XYLT1: variants seen among roughly 807,000 people sequenced by gnomAD.
The protein encoded by XYLT1 is xylosyltransferase 1, also known as beta-D-xylosyltransferase 1.
Under a neutral mutation model 91.3 loss-of-function variants are expected in XYLT1, and 36 were observed. The ratio of observed to expected loss-of-function variants is 0.39; its 90% CI spans 0.30 to 0.52. The LOEUF (loss-of-function observed/expected upper bound fraction) is 0.52, where lower values mean the gene tolerates loss of function less well. XYLT1 is among the 20% of genes least tolerant of loss of function. The pLI is 0.68. For missense variants in XYLT1, 1,242 were observed against 1,284.5 expected (o/e 0.97, Z 0.51); for synonymous variants, 588 against 532.0 (o/e 1.11, Z -1.45).
At chr16:17,143,312 C>A (rs374379655) in intron 6 of XYLT1, among the ~76,000 whole-genome samples, 4 of 152,228 alleles carry the variant, frequency 2.6e-5, no homozygotes, top group African/African-American at 9.6e-5. Flanking sequence ...ACCACTATCA[C>A]CATTTTCACG....
At chr16:17,203,331 T>G (rs2032577264) in intron 3 of XYLT1, among the ~76,000 whole-genome samples, 1 of 152,208 alleles carries the variant, frequency 6.6e-6, no homozygotes, top group Non-Finnish European at 1.5e-5. Flanking sequence ...AGGCTGTATC[T>G]TTTCATCCAT....
chr16:17,198,377 G>A lies in XYLT1; in HGVS notation c.1124C>T (p.Ser375Phe). 6.2e-7 allele frequency: 1 copy of A among 1,614,192 alleles called. No homozygotes were observed. The highest frequency in any genetic ancestry group is 1.7e-5 in the Admixed American group (1 of 60,028). The change falls in exon 5 of 12, where the codon TCC (serine) becomes TTC (phenylalanine). Residue 375 changes from serine to phenylalanine, a missense_variant. Ser to Phe is a radical substitution (Grantham distance 155, BLOSUM62 -2). This residue lies in a region of XYLT1 where 294 missense variants were observed against 376.0 expected (regional missense o/e 0.78). Coordinates refer to ENST00000261381, the MANE Select transcript of XYLT1 (RefSeq NM_022166.4). Reference protein sequence around the residue: ...NYLHRQVLQVSRQYSNVRVTP... With the variant: ...NYLHRQVLQVFRQYSNVRVTP... The stretch of plus-strand genomic sequence containing the variant: ...GACGCGGACATTGCTGTACTGCCTG[G>A]AGACCTGGAGCACTTGCCGATGCAG...
chr16:17,108,780 G>A lies in XYLT1; in HGVS notation c.2795C>T (p.Thr932Ile), dbSNP rs776626183. ...TGPTACPVMQ[T>I]CSQTAWSSFS... Reference sequence around the variant, plus strand: ...GGAGCTCCAGGCCGTCTGGCTGCAGGTCTGCATGACCGGGCAGGCTGTGGG... The same window carrying A: ...GGAGCTCCAGGCCGTCTGGCTGCAGATCTGCATGACCGGGCAGGCTGTGGG... Residue 932 changes from threonine to isoleucine, a missense_variant, in exon 12 of 12, where the codon ACC becomes ATC. This residue lies in a region of XYLT1 where 511 missense variants were observed against 497.0 expected (regional missense o/e 1.03). Coordinates refer to ENST00000261381, the MANE Select transcript of XYLT1 (RefSeq NM_022166.4). 1.4e-5 allele frequency: 22 copies of A among 1,610,606 alleles called. No individual in the cohort carries two copies. The highest frequency in any genetic ancestry group is 1.6e-5 in the Non-Finnish European group (19 of 1,179,810).
chr16:17,423,430 T>C (rs2036273652), intron 1 of XYLT1, among the ~76,000 whole-genome samples: 1 of 152,006 alleles, frequency 6.6e-6, no homozygotes, highest in South Asian at 2.1e-4. Context: ...TGTTTTTTCC[T>C]CAAGGGCACT....
intron 4 of XYLT1, 41 bp downstream of exon 4, chr16:17,200,441 C>T (rs779967644): frequency 5.6e-6 from 9 of 1,592,996 alleles, no homozygotes; most frequent in African/African-American, 4.0e-5. Flanking sequence ...GGACAGACCC[C>T]GAAGAAAGCC....
intron 1 of XYLT1, among the ~76,000 whole-genome samples, chr16:17,368,422 C>T (rs779215207): frequency 1.3e-5 from 2 of 152,178 alleles, no homozygotes; most frequent in African/African-American, 2.4e-5. Flanking sequence ...GCCTTGATGA[C>T]AGCGCCCAGT....
chr16:17,435,266 C>A (rs183161172), intron 1 of XYLT1, among the ~76,000 whole-genome samples: 13 of 152,310 alleles, frequency 8.5e-5, no homozygotes, highest in Middle Eastern at 3.4e-3. Context: ...TGACTTTTCA[C>A]ATAAATAGAC....
intron 2 of XYLT1, among the ~76,000 whole-genome samples, chr16:17,327,503 C>G (rs550897708): frequency 1.1e-4 from 17 of 149,842 alleles, no homozygotes; most frequent in Admixed American, 1.1e-3. Flanking sequence ...GCTGGGACTA[C>G]AGGCACCCAC....
At chr16:17,154,464 G>A (rs570938748) in intron 6 of XYLT1, among the ~76,000 whole-genome samples, 1 of 152,294 alleles carries the variant, frequency 6.6e-6, no homozygotes, top group East Asian at 1.9e-4. Context: ...ACTTGAACAG[G>A]TTTCAGAGAT....
intron 3 of XYLT1, among the ~76,000 whole-genome samples, chr16:17,240,005 G>A (rs977744002): frequency 6.6e-6 from 1 of 152,158 alleles, no homozygotes; most frequent in African/African-American, 2.4e-5. Flanking sequence ...TTTAGAACCT[G>A]CCCTCCTGGA....
At position 17,297,650 on chromosome 16, in the gene XYLT1, G is replaced by A. The variant is rs139646011; in HGVS notation, c.403-38152C>T. ...AGGTGGGAGGATCACTTGAGCCTAG[G>A]AGGTCGAGGCTGCAGTGAGCCATGA... On this transcript the variant is annotated intron_variant, in intron 2 of 11. Transcript: ENST00000261381. Among the ~76,000 whole-genome samples the A allele has an allele frequency of 1.9e-4, 29 of 152,282 alleles. 1 individual carries two copies. In the East Asian group the frequency reaches 5.4e-3, roughly 28 times the overall value.
intron 2 of XYLT1, among the ~76,000 whole-genome samples, chr16:17,294,580 C>T (rs1194500106): frequency 6.6e-6 from 1 of 152,060 alleles, no homozygotes; most frequent in Non-Finnish European, 1.5e-5. Context: ...TTTTAGGGGA[C>T]AGCACCCAGG....
At chr16:17,466,325 T>C (rs2036896108) in intron 1 of XYLT1, among the ~76,000 whole-genome samples, 1 of 152,130 alleles carries the variant, frequency 6.6e-6, no homozygotes, top group Admixed American at 6.5e-5. Flanking sequence ...ACTGAAACAC[T>C]CATATAGATG....
At chr16:17,414,020 C>T (rs548752525) in intron 1 of XYLT1, among the ~76,000 whole-genome samples, 1 of 152,178 alleles carries the variant, frequency 6.6e-6, no homozygotes, top group Non-Finnish European at 1.5e-5. Context: ...AAACTGTTTG[C>T]CCTGCCTTGC....
At chr16:17,416,767 G>A (rs186427467) in intron 1 of XYLT1, among the ~76,000 whole-genome samples, 46 of 152,346 alleles carry the variant, frequency 3.0e-4, no homozygotes, top group African/African-American at 1.1e-3. Context: ...CCAGGGGCAA[G>A]CATCTGCACC....
intron 1 of XYLT1, among the ~76,000 whole-genome samples, chr16:17,415,418 G>A (rs896613517): frequency 1.3e-5 from 2 of 152,160 alleles, no homozygotes; most frequent in African/African-American, 2.4e-5. Context: ...GGCCGGGCGC[G>A]GTGGCTCACG....
intron 5 of XYLT1, among the ~76,000 whole-genome samples, chr16:17,161,599 T>C (rs1029932367): frequency 6.6e-6 from 1 of 152,154 alleles, no homozygotes; most frequent in Non-Finnish European, 1.5e-5. Flanking sequence ...GATAATTGCC[T>C]ACATAATATT....
At chr16:17,371,635 A>G (rs1567397402) in intron 1 of XYLT1, among the ~76,000 whole-genome samples, 2 of 152,212 alleles carry the variant, frequency 1.3e-5, no homozygotes. Context: ...CATAAAATTG[A>G]AGTATGTTCC....
chr16:17,209,914 A>G (rs921941958), intron 3 of XYLT1, among the ~76,000 whole-genome samples: 1 of 152,088 alleles, frequency 6.6e-6, no homozygotes, highest in African/African-American at 2.4e-5. Flanking sequence ...TTAAATTCGT[A>G]AGACGGGATC....
Sources: gnomAD v4.1 joint callset for allele counts (sites outside exome capture counted in the v4.1 genomes callset) on GRCh38, gnomAD v4.1.1 for gene constraint, gnomAD v4.1.1 regional missense constraint, MANE v1.5 for transcripts, NCBI Gene and HGNC (gene_info 2026-07-23, HGNC 2026-07-21) for gene names.